Variants in MTTP observed in about 807,000 individuals in gnomAD.
The protein encoded by MTTP is microsomal triglyceride transfer protein large subunit.
MTTP carries 49 observed loss-of-function variants against 90.6 expected under a neutral mutation model. The observed-to-expected ratio is 0.54, with a 90% confidence interval of 0.43 to 0.69. The LOEUF is 0.69. MTTP is among the 30% of genes least tolerant of loss of function. The pLI, the probability that MTTP is intolerant of heterozygous loss-of-function variation, is 0.00. For missense variants in MTTP, 945 were observed against 1,067.5 expected (o/e 0.89, Z 1.60); for synonymous variants, 347 against 384.2 (o/e 0.90, Z 1.13).
Position 99,600,656 on chromosome 4 carries a change from A to G in MTTP, c.1159A>G (p.Ile387Val), listed in dbSNP as rs1560621053. The change falls in exon 9 of 18, where the codon ATT (isoleucine) becomes GTT (valine). Residue 387 changes from isoleucine to valine, a missense_variant. Coordinates refer to ENST00000265517, the MANE Select transcript of MTTP (RefSeq NM_001386140.1). ...TTTGGATTTCAAAAGTGACAGCAGC[A>G]TTATCCTCCAGGAGAGGTTTCTCTA... ...DFLDFKSDSSIILQERFLYAC... is the reference protein window; with the variant it reads ...DFLDFKSDSSVILQERFLYAC... 1 of 1,613,882 alleles carries G rather than the reference A, an allele frequency of 6.2e-7. No individual in the cohort carries two copies. The highest frequency in any genetic ancestry group is 2.2e-5 in the East Asian group (1 of 44,848).
intron 1 of MTTP, among the ~76,000 whole-genome samples, chr4:99,565,156 CATTAA>C (rs1724642809): frequency 6.6e-6 from 1 of 152,170 alleles, no homozygotes. Context: ...ACATGTAGGT[CATTAA>C]ATTCAGGCTG....
intron 6 of MTTP, among the ~76,000 whole-genome samples, chr4:99,594,166 G>T (rs533378865): frequency 6.6e-6 from 1 of 152,294 alleles, no homozygotes; most frequent in African/African-American, 2.4e-5. Flanking sequence ...CCAGAGAAAA[G>T]CTGAATTCTC....
chr4:99,565,939 G>A (rs1724680942), intron 1 of MTTP, among the ~76,000 whole-genome samples: 1 of 152,312 alleles, frequency 6.6e-6, no homozygotes, highest in Admixed American at 6.5e-5. Context: ...CTCTAACTTG[G>A]ACAACTGTAG....
At chr4:99,566,291 AAAAAAG>A (rs1724696462) in intron 1 of MTTP, among the ~76,000 whole-genome samples, 1 of 137,192 alleles carries the variant, frequency 7.3e-6, no homozygotes, top group South Asian at 2.4e-4. Context: ...TCCGTCTCAA[AAAAAAG>A]AAAAAAAAAA....
At chr4:99,600,910 C>T (rs1016986253) in intron 9 of MTTP, among the ~76,000 whole-genome samples, 177 bp downstream of exon 9, 3 of 152,044 alleles carry the variant, frequency 2.0e-5, no homozygotes, top group Non-Finnish European at 4.4e-5. Flanking sequence ...TAAATTATTT[C>T]AGTTAGTGCC....
intron 3 of MTTP, among the ~76,000 whole-genome samples, chr4:99,585,502 C>T (rs1725237431): frequency 1.3e-5 from 2 of 152,096 alleles, no homozygotes; most frequent in African/African-American, 2.4e-5. Context: ...GATCAGTTGA[C>T]TTATTTGATT....
intron 16 of MTTP, among the ~76,000 whole-genome samples, chr4:99,620,016 GCAA>G (rs566944045): frequency 2.6e-3 from 398 of 152,248 alleles, no homozygotes; most frequent in Non-Finnish European, 4.8e-3. Flanking sequence ...ATCAACAACA[GCAA>G]CAACAACAAA....
At chr4:99,577,473 CGCA>C (rs1724992480) in intron 1 of MTTP, among the ~76,000 whole-genome samples, 1 of 151,736 alleles carries the variant, frequency 6.6e-6, no homozygotes, top group Non-Finnish European at 1.5e-5. Flanking sequence ...GGCATGGTAG[CGCA>C]TGCCTGTAAT....
At chr4:99,567,666 C>A (rs1312696679) in intron 1 of MTTP, among the ~76,000 whole-genome samples, 3 of 152,106 alleles carry the variant, frequency 2.0e-5, no homozygotes, top group Admixed American at 1.3e-4. Context: ...TAGCCCAACA[C>A]TAGGGAGAAA....
intron 7 of MTTP, among the ~76,000 whole-genome samples, chr4:99,596,392 G>C (rs1481155861): frequency 6.6e-6 from 1 of 152,076 alleles, no homozygotes; most frequent in African/African-American, 2.4e-5. Flanking sequence ...TTAGGTTGTT[G>C]CAAAAGTAAT....
chr4:99,622,932 AC>A lies in MTTP; in HGVS notation c.*85del. On this transcript the variant is annotated 3_prime_UTR_variant, in exon 18 of 18. Transcript: ENST00000265517. ...GACTAAGTACTTGCTCTCTGAGAGC[AC>A]AGCGTTTACATATTTACCTGTATTT... The A allele has an allele frequency of 2.1e-6, 3 of 1,442,518 alleles. No individual in the cohort carries two copies. Among genetic ancestry groups the A allele is most frequent in the Non-Finnish European group, 2.9e-6 (3 of 1,025,158 alleles). 89.4% of individuals were successfully genotyped at this position (1,442,518 alleles called of 1,614,324 possible).
At position 99,619,002 on chromosome 4, in the gene MTTP, C is replaced by T. The variant is rs201962480; in HGVS notation, c.2246C>T (p.Ala749Val). 1 of 1,613,006 alleles carries T rather than the reference C, an allele frequency of 6.2e-7. No homozygotes were observed. Among genetic ancestry groups the T allele is most frequent in the African/African-American group, 1.3e-5 (1 of 74,946 alleles). Reference sequence around the variant, plus strand: ...CTTCAGTTACAATCTGGACTAAAAGCCAATATAGAGGTCCAGGGTGGTCTA... The same window carrying T: ...CTTCAGTTACAATCTGGACTAAAAGTCAATATAGAGGTCCAGGGTGGTCTA... ...QELQLQSGLKANIEVQGGLAI... is the reference protein window; with the variant it reads ...QELQLQSGLKVNIEVQGGLAI... The change falls in exon 16 of 18, where the codon GCC becomes GTC. Residue 749 changes from alanine (A) to valine (V), a missense_variant. Transcript: ENST00000265517.
chr4:99,608,685 A>C (rs200312287), intron 11 of MTTP, 81 bp from the exon 12 acceptor site: 1 of 1,087,966 alleles, frequency 9.2e-7, no homozygotes. Context: ...TTTTATGAAC[A>C]CTCACTATTC....
intron 5 of MTTP, 88 bp downstream of exon 5, chr4:99,591,439 T>C: frequency 8.1e-7 from 1 of 1,239,652 alleles, no homozygotes; most frequent in South Asian, 1.3e-5. Context: ...AAAGTAGAAA[T>C]AGAATTTTGA....
chr4:99,600,471 AAACTC>A (rs1725667160), intron 8 of MTTP, 89 bp from the exon 9 acceptor site: 3 of 1,312,406 alleles, frequency 2.3e-6, no homozygotes, highest in Non-Finnish European at 3.2e-6. Flanking sequence ...CTTCTTGAGA[AAACTC>A]AAACCAATAG....
chr4:99,566,297 GAAAA>G (rs567380343), intron 1 of MTTP, among the ~76,000 whole-genome samples: 8 of 117,538 alleles, frequency 6.8e-5, no homozygotes, highest in East Asian at 2.5e-4. Context: ...TCAAAAAAAA[GAAAA>G]AAAAAAAAAA....
At chr4:99,597,791 A>G (rs1725594776) in intron 8 of MTTP, among the ~76,000 whole-genome samples, 1 of 152,234 alleles carries the variant, frequency 6.6e-6, no homozygotes, top group Admixed American at 6.5e-5. Flanking sequence ...TACATGTGTA[A>G]TAAACAGAGT....
intron 1 of MTTP, among the ~76,000 whole-genome samples, chr4:99,568,572 C>T (rs568047427): frequency 1.3e-5 from 2 of 152,124 alleles, no homozygotes; most frequent in Non-Finnish European, 2.9e-5. Flanking sequence ...GTGTCCAGAT[C>T]TTGGTTTCTA....
intron 1 of MTTP, among the ~76,000 whole-genome samples, chr4:99,579,889 T>C (rs1725060975): frequency 6.6e-6 from 1 of 151,230 alleles, no homozygotes. Context: ...ATATAAAAAT[T>C]AACTGGGCTT....
Sources: gnomAD v4.1 joint callset for allele counts (sites outside exome capture counted in the v4.1 genomes callset) on GRCh38, gnomAD v4.1.1 for gene constraint, MANE v1.5 for transcripts, NCBI Gene and HGNC (gene_info 2026-07-23, HGNC 2026-07-21) for gene names.